LUZP2: variants seen among roughly 807,000 people sequenced by gnomAD.
The protein encoded by LUZP2 is leucine zipper protein 2.
A neutral mutation model predicts 51.6 loss-of-function variants in LUZP2; 52 were observed. The observed-to-expected ratio is 1.01, with a 90% CI of 0.81 to 1.27. The LOEUF (loss-of-function observed/expected upper bound fraction) is 1.27, where lower values mean the gene tolerates loss of function less well. Ranked by LOEUF, LUZP2 falls within the 50% of genes most tolerant of loss-of-function variation. The pLI is 0.00. For missense variants in LUZP2, 436 were observed against 395.4 expected, an observed-to-expected ratio of 1.10 and a Z score of -0.87; for synonymous variants, 154 against 137.3, an observed-to-expected ratio of 1.12 and a Z score of -0.85.
intron 5 of LUZP2, among the ~76,000 whole-genome samples, chr11:24,823,230 T>A (rs1442804308): frequency 9.2e-5 from 14 of 152,044 alleles, no homozygotes. Context: ...TCCCAAATAA[T>A]GAAAAGTAGG....
intron 4 of LUZP2, among the ~76,000 whole-genome samples, chr11:24,741,730 C>A (rs537221343): frequency 4.0e-5 from 6 of 149,592 alleles, no homozygotes; most frequent in South Asian, 2.1e-4. Context: ...CAGGTCACTG[C>A]AAATGCTGTT....
intron 5 of LUZP2, among the ~76,000 whole-genome samples, chr11:24,784,746 T>C (rs1306671317): frequency 6.6e-6 from 1 of 152,080 alleles, no homozygotes; most frequent in Non-Finnish European, 1.5e-5. Flanking sequence ...TGCTGTTAAC[T>C]ATAGCAAGGT....
chr11:24,854,185 G>A (rs1851482066), intron 5 of LUZP2, among the ~76,000 whole-genome samples: 1 of 152,190 alleles, frequency 6.6e-6, no homozygotes. Context: ...GAGCCAACAG[G>A]CAGGAATATT....
chr11:24,570,272 C>A (rs1298220161), intron 1 of LUZP2, among the ~76,000 whole-genome samples: 1 of 151,844 alleles, frequency 6.6e-6, no homozygotes, highest in Non-Finnish European at 1.5e-5. Flanking sequence ...ATAGAATTTT[C>A]TGAGATTTGA....
In LUZP2 at chr11:24,882,746, C is replaced by G. The variant is rs571090583; in HGVS notation, c.397-23245C>G. Among the ~76,000 whole-genome samples the G allele has an allele frequency of 4.8e-5, 7 of 147,070 alleles. No individual in the cohort carries two copies. In the South Asian group the frequency reaches 1.6e-3, roughly 33 times the overall value. ...ATAATCCATCCATGTCTTCTCATGACTAGGTAACTCATTGCTTTTTAGTGC... is the reference window on the plus strand; with the variant it reads ...ATAATCCATCCATGTCTTCTCATGAGTAGGTAACTCATTGCTTTTTAGTGC... On this transcript the variant is annotated intron_variant, in intron 5 of 11. Transcript: ENST00000336930.
At chr11:24,645,569 T>C (rs1855437791) in intron 1 of LUZP2, among the ~76,000 whole-genome samples, 1 of 152,132 alleles carries the variant, frequency 6.6e-6, no homozygotes, top group South Asian at 2.1e-4. Flanking sequence ...TCTACAAATT[T>C]TGGTTCTAAA....
At chr11:24,837,996 C>T (rs1850908313) in intron 5 of LUZP2, among the ~76,000 whole-genome samples, 1 of 151,610 alleles carries the variant, frequency 6.6e-6, no homozygotes, top group South Asian at 2.1e-4. Flanking sequence ...GTGTATTAAA[C>T]ATGTATATAT....
intron 7 of LUZP2, among the ~76,000 whole-genome samples, chr11:24,915,317 T>C (rs1179641002): frequency 6.6e-6 from 1 of 152,104 alleles, no homozygotes; most frequent in Admixed American, 6.6e-5. Context: ...TCACTCCATA[T>C]AACAACCCTC....
intron 9 of LUZP2, among the ~76,000 whole-genome samples, chr11:25,022,346 G>A (rs985664938): frequency 9.2e-5 from 14 of 151,876 alleles, no homozygotes; most frequent in Non-Finnish European, 1.8e-4. Flanking sequence ...CACATGCCAC[G>A]TTCTGGCCAT....
chr11:24,955,773 A>T (rs1416634696), intron 7 of LUZP2, among the ~76,000 whole-genome samples: 1 of 152,130 alleles, frequency 6.6e-6, no homozygotes, highest in South Asian at 2.1e-4. Context: ...AAACAAACTT[A>T]ATGACCTCTA....
At chr11:24,921,074 G>T (rs1406088411) in intron 7 of LUZP2, among the ~76,000 whole-genome samples, 1 of 152,096 alleles carries the variant, frequency 6.6e-6, no homozygotes, top group Non-Finnish European at 1.5e-5. Flanking sequence ...ATGACTGGGG[G>T]AACACCAGGG....
intron 5 of LUZP2, among the ~76,000 whole-genome samples, chr11:24,853,611 G>A (rs1851461551): frequency 6.6e-6 from 1 of 151,948 alleles, no homozygotes; most frequent in Non-Finnish European, 1.5e-5. Flanking sequence ...ACCTTCTGAA[G>A]CCTACTTCTT....
At chr11:24,540,457 CAT>C (rs1358391699) in intron 1 of LUZP2, among the ~76,000 whole-genome samples, 2 of 152,054 alleles carry the variant, frequency 1.3e-5, no homozygotes, top group African/African-American at 2.4e-5. Context: ...CTCTGTCTGT[CAT>C]GTGCGGATGC....
intron 2 of LUZP2, among the ~76,000 whole-genome samples, chr11:24,731,407 G>A (rs944379602): frequency 2.0e-5 from 3 of 151,534 alleles, no homozygotes; most frequent in African/African-American, 7.3e-5. Context: ...CTATTAATTA[G>A]TTTATTGAAT....
intron 9 of LUZP2, among the ~76,000 whole-genome samples, chr11:25,045,382 T>C (rs1433564341): frequency 6.9e-6 from 1 of 144,668 alleles, no homozygotes; most frequent in East Asian, 2.0e-4. Context: ...ACGTAAAGAA[T>C]AACTGAAAAA....
chr11:24,576,648 G>A (rs911929234), intron 1 of LUZP2, among the ~76,000 whole-genome samples: 16 of 151,948 alleles, frequency 1.1e-4, no homozygotes, highest in African/African-American at 3.9e-4. Flanking sequence ...TCTATTTTTG[G>A]AGGTAATTGA....
At chr11:24,927,967 A>G (rs971711481) in intron 7 of LUZP2, among the ~76,000 whole-genome samples, 2 of 151,866 alleles carry the variant, frequency 1.3e-5, no homozygotes, top group African/African-American at 4.8e-5. Context: ...TTGGTTAGGT[A>G]TATTCCTATG....
At chr11:24,528,547 T>A (rs911594679) in intron 1 of LUZP2, among the ~76,000 whole-genome samples, 1 of 151,402 alleles carries the variant, frequency 6.6e-6, no homozygotes, top group Non-Finnish European at 1.5e-5. Flanking sequence ...AGGGTACACG[T>A]GCACAACGTA....
chr11:24,914,617 T>A, intron 7 of LUZP2, 79 bp downstream of exon 7: 3 of 978,800 alleles, frequency 3.1e-6, no homozygotes, highest in Non-Finnish European at 4.5e-6. Flanking sequence ...TAGGTTAAAT[T>A]TATTTTCTGG....
Sources: gnomAD v4.1 joint callset for allele counts (sites outside exome capture counted in the v4.1 genomes callset) on GRCh38, gnomAD v4.1.1 for gene constraint, MANE v1.5 for transcripts, NCBI Gene and HGNC (gene_info 2026-07-23, HGNC 2026-07-21) for gene names.